CDYL2: variants seen among roughly 807,000 people sequenced by gnomAD.
The protein encoded by CDYL2 is chromodomain Y-like protein 2.
A neutral mutation model predicts 49.4 loss-of-function variants in CDYL2; 23 were observed. The ratio of observed to expected loss-of-function variants is 0.47; its 90% CI spans 0.34 to 0.66. CDYL2 has a LOEUF of 0.66. Among genes scored for constraint, CDYL2 ranks in the 30% least tolerant of loss-of-function variants. The pLI is 0.01. For missense variants in CDYL2, 678 were observed against 656.4 expected (o/e 1.03, Z -0.36); for synonymous variants, 360 against 268.8 (o/e 1.34, Z -3.32).
At chr16:80,651,509 C>A (rs947735452) in intron 2 of CDYL2, among the ~76,000 whole-genome samples, 1 of 152,136 alleles carries the variant, frequency 6.6e-6, no homozygotes, top group African/African-American at 2.4e-5. Flanking sequence ...CTGCATGATA[C>A]TACAATGGAG....
intron 1 of CDYL2, among the ~76,000 whole-genome samples, chr16:80,689,517 C>G (rs189514002): frequency 4.6e-5 from 7 of 152,254 alleles, no homozygotes; most frequent in Admixed American, 3.9e-4. Flanking sequence ...GCTGGTTAAC[C>G]AAGATTTGAA....
chr16:80,801,076 G>T (rs1907913254), intron 1 of CDYL2, among the ~76,000 whole-genome samples: 1 of 152,178 alleles, frequency 6.6e-6, no homozygotes, highest in Non-Finnish European at 1.5e-5. Flanking sequence ...CCTAGACCTG[G>T]CTCACAGGCT....
chr16:80,745,849 C>G (rs758015567), intron 1 of CDYL2, among the ~76,000 whole-genome samples: 8 of 152,112 alleles, frequency 5.3e-5, no homozygotes, highest in Admixed American at 6.5e-5. Flanking sequence ...TATGTTGTCC[C>G]TCTTGACCCA....
rs114225382 is a variant in CDYL2 at position 80,731,821 on chromosome 16, G to C, written c.25-46692C>G. ...TTAACTTTCCATCTAACTCTCTGAAGAATCTACTTGAGGATGTGCTCCACC... is the reference window on the plus strand; with the variant it reads ...TTAACTTTCCATCTAACTCTCTGAACAATCTACTTGAGGATGTGCTCCACC... On this transcript the variant is annotated intron_variant, in intron 1 of 6. Transcript: ENST00000570137. 5.7e-3 allele frequency among the ~76,000 whole-genome samples: 864 copies of C among 151,728 alleles called. 8 individuals are homozygous for C. The highest frequency in any genetic ancestry group is 0.02 in the African/African-American group (834 of 41,352).
intron 4 of CDYL2, among the ~76,000 whole-genome samples, chr16:80,615,631 C>A (rs1216303493): frequency 6.6e-6 from 1 of 152,172 alleles, no homozygotes; most frequent in Non-Finnish European, 1.5e-5. Context: ...CAGGAATGGA[C>A]TGCAGCCCTT....
chr16:80,779,051 G>C (rs746309059), intron 1 of CDYL2, among the ~76,000 whole-genome samples: 2 of 151,934 alleles, frequency 1.3e-5, no homozygotes, highest in Non-Finnish European at 2.9e-5. Context: ...TACATATTTT[G>C]TCATGAGGAT....
intron 1 of CDYL2, among the ~76,000 whole-genome samples, chr16:80,753,017 T>G (rs1190379736): frequency 2.6e-5 from 4 of 152,180 alleles, no homozygotes; most frequent in Non-Finnish European, 5.9e-5. Flanking sequence ...TTAGTAATAA[T>G]GACATGTGGC....
chr16:80,627,303 A>AT (rs1311912082), intron 3 of CDYL2, among the ~76,000 whole-genome samples: 4 of 152,256 alleles, frequency 2.6e-5, no homozygotes, highest in Non-Finnish European at 4.4e-5. Context: ...AAAAAAAAAA[A>AT]GAAACCCTGC....
intron 1 of CDYL2, among the ~76,000 whole-genome samples, chr16:80,726,596 C>A (rs1003719501): frequency 6.6e-6 from 1 of 152,112 alleles, no homozygotes; most frequent in African/African-American, 2.4e-5. Context: ...TTAGCTTAAA[C>A]ACAAAGAAAG....
At chr16:80,788,924 G>C (rs988496714) in intron 1 of CDYL2, among the ~76,000 whole-genome samples, 2 of 152,070 alleles carry the variant, frequency 1.3e-5, no homozygotes, top group Non-Finnish European at 2.9e-5. Flanking sequence ...TGACTGTTTT[G>C]TTTGTTTGTT....
chr16:80,680,029 C>A (rs1239472349), intron 2 of CDYL2, among the ~76,000 whole-genome samples: 1 of 152,188 alleles, frequency 6.6e-6, no homozygotes, highest in Middle Eastern at 3.2e-3. Context: ...CGCTTAGTTT[C>A]CAACTGCCTT....
At chr16:80,669,396 G>T (rs1054802017) in intron 2 of CDYL2, among the ~76,000 whole-genome samples, 2 of 152,142 alleles carry the variant, frequency 1.3e-5, no homozygotes, top group Admixed American at 6.5e-5. Flanking sequence ...CAGGACAATG[G>T]TCCTCAGAAC....
intron 1 of CDYL2, among the ~76,000 whole-genome samples, chr16:80,781,579 A>G (rs1477112724): frequency 6.6e-6 from 1 of 152,192 alleles, no homozygotes; most frequent in Non-Finnish European, 1.5e-5. Context: ...ACAACAGAGC[A>G]TACATTCTTC....
intron 1 of CDYL2, among the ~76,000 whole-genome samples, chr16:80,711,032 G>A (rs1250371516): frequency 6.6e-6 from 1 of 152,182 alleles, no homozygotes; most frequent in Admixed American, 6.5e-5. Flanking sequence ...GCTGCTTGCT[G>A]TAAATATGGA....
intron 3 of CDYL2, among the ~76,000 whole-genome samples, 194 bp from the exon 4 acceptor site, chr16:80,621,129 A>G (rs1458461324): frequency 2.0e-5 from 3 of 152,216 alleles, no homozygotes; most frequent in Admixed American, 6.5e-5. Flanking sequence ...TCATAGCCAA[A>G]GCCCTCCAGC....
At chr16:80,659,386 T>G (rs939174566) in intron 2 of CDYL2, among the ~76,000 whole-genome samples, 2 of 152,148 alleles carry the variant, frequency 1.3e-5, no homozygotes, top group Non-Finnish European at 2.9e-5. Flanking sequence ...AAGACATTAT[T>G]GCGGTAATAG....
intron 1 of CDYL2, among the ~76,000 whole-genome samples, chr16:80,750,044 T>C (rs974661333): frequency 4.0e-5 from 6 of 151,144 alleles, no homozygotes; most frequent in African/African-American, 1.2e-4. Flanking sequence ...AAGAGAACAC[T>C]TGGACAGAGG....
At position 80,726,704 on chromosome 16, in the gene CDYL2, A is replaced by G. The variant is rs1341888987; in HGVS notation, c.25-41575T>C. Among the ~76,000 whole-genome samples the G allele has an allele frequency of 2.0e-5, 3 of 152,070 alleles. No individual in the cohort carries two copies. In the South Asian group the frequency reaches 6.2e-4, roughly 32 times the overall value. On this transcript the variant is annotated intron_variant, in intron 1 of 6. Transcript: ENST00000570137. Reference sequence around the variant, plus strand: ...GAAAAATGTTTGACTCTAGGGTTGAAACATGGAATATACAAAATGAGCCTG... The same window carrying G: ...GAAAAATGTTTGACTCTAGGGTTGAGACATGGAATATACAAAATGAGCCTG...
At chr16:80,690,587 T>C (rs1218619559) in intron 1 of CDYL2, among the ~76,000 whole-genome samples, 3 of 152,238 alleles carry the variant, frequency 2.0e-5, no homozygotes, top group African/African-American at 7.2e-5. Context: ...CTTGGTCTAA[T>C]GCATCTTGGC....
Sources: gnomAD v4.1 joint callset for allele counts (sites outside exome capture counted in the v4.1 genomes callset) on GRCh38, gnomAD v4.1.1 for gene constraint, MANE v1.5 for transcripts, NCBI Gene and HGNC (gene_info 2026-07-23, HGNC 2026-07-21) for gene names.